FAT3: variants seen among roughly 807,000 people sequenced by gnomAD.
FAT3 encodes the protein FAT atypical cadherin 3, also known as protocadherin Fat 3.
A neutral mutation model predicts 310.2 loss-of-function variants in FAT3; 95 were observed. That is an observed-to-expected ratio of 0.31 (90% confidence interval 0.26 to 0.36). FAT3 has a LOEUF of 0.36. FAT3 is among the 10% of genes least tolerant of loss of function. The pLI, the probability that FAT3 is intolerant of heterozygous loss-of-function variation, is 1.00. For missense variants in FAT3, 5,408 were observed against 5,715.6 expected, an observed-to-expected ratio of 0.95 and a Z score of 1.74; for synonymous variants, 2,314 against 2,192.9, an observed-to-expected ratio of 1.06 and a Z score of -1.54.
intron 14 of FAT3, among the ~76,000 whole-genome samples, chr11:92,833,404 C>G (rs1378927422): frequency 6.6e-6 from 1 of 152,150 alleles, no homozygotes; most frequent in East Asian, 1.9e-4. Flanking sequence ...AACAAGAAAT[C>G]ATTATAATTA....
At chr11:92,391,051 G>A (rs750381500) in intron 2 of FAT3, among the ~76,000 whole-genome samples, 2 of 152,140 alleles carry the variant, frequency 1.3e-5, no homozygotes, top group Non-Finnish European at 2.9e-5. Flanking sequence ...ATTTCTCATA[G>A]TACCCACTTA....
intron 2 of FAT3, among the ~76,000 whole-genome samples, chr11:92,476,705 T>C (rs888442928): frequency 3.0e-4 from 46 of 152,120 alleles, no homozygotes; most frequent in African/African-American, 1.1e-3. Context: ...TCAGAGTGCT[T>C]GGGGAAAGAA....
chr11:92,667,021 C>A (rs141033519), intron 3 of FAT3, among the ~76,000 whole-genome samples: 1 of 151,622 alleles, frequency 6.6e-6, no homozygotes, highest in African/African-American at 2.4e-5. Flanking sequence ...CAGGAAGAAG[C>A]GGAAACCAGC....
intron 3 of FAT3, among the ~76,000 whole-genome samples, chr11:92,591,544 T>C (rs1315552300): frequency 6.6e-6 from 1 of 152,176 alleles, no homozygotes; most frequent in East Asian, 1.9e-4. Context: ...AGTGTGTTAA[T>C]TACTAAACTC....
chr11:92,605,669 T>C (rs1223889017), intron 3 of FAT3, among the ~76,000 whole-genome samples: 1 of 151,086 alleles, frequency 6.6e-6, no homozygotes, highest in Non-Finnish European at 1.5e-5. Flanking sequence ...TTGTGTACTC[T>C]TACAGATATC....
intron 3 of FAT3, among the ~76,000 whole-genome samples, chr11:92,685,988 T>A (rs1445878353): frequency 1.3e-5 from 2 of 152,184 alleles, no homozygotes; most frequent in African/African-American, 2.4e-5. Context: ...ATATCATATG[T>A]TACCCCTAGT....
chr11:92,679,422 C>G (rs1943398744), intron 3 of FAT3, among the ~76,000 whole-genome samples: 1 of 151,968 alleles, frequency 6.6e-6, no homozygotes, highest in African/African-American at 2.4e-5. Flanking sequence ...CCTCCAGTAG[C>G]ATTTATGAGT....
chr11:92,842,182 T>C lies in FAT3; in HGVS notation c.10566+1423T>C, dbSNP rs77232991. Among the ~76,000 whole-genome samples, 775 of 152,370 alleles carry C rather than the reference T, an allele frequency of 5.1e-3. 6 individuals are homozygous for C. The highest frequency in any genetic ancestry group is 0.018 in the African/African-American group (730 of 41,586). On this transcript the variant is annotated intron_variant, in intron 18 of 27. Transcript: ENST00000525166. ...CCAGTGCTTTACAGAAAATGATTGC[T>C]GATCACTGCCATAAAGTAAAACTAT...
intron 7 of FAT3, among the ~76,000 whole-genome samples, chr11:92,783,818 A>G (rs1456714102): frequency 2.6e-5 from 4 of 152,174 alleles, no homozygotes; most frequent in Non-Finnish European, 5.9e-5. Context: ...TACTGTATGT[A>G]TAGATCTGGG....
Position 92,800,159 on chromosome 11 carries a change from C to T in FAT3, c.7146C>T (p.Ile2382=), listed in dbSNP as rs746578220. Residue 2382 remains isoleucine (I), a synonymous_variant, in exon 10 of 28, where the codon ATC becomes ATT. Coordinates refer to ENST00000525166, the MANE Select transcript of FAT3 (RefSeq NM_001367949.2). ...TGAGCAGTGAGGTTCTCGTTCATATCTACATCTCTGATGTAAATGACAACC... is the reference window on the plus strand; with the variant it reads ...TGAGCAGTGAGGTTCTCGTTCATATTTACATCTCTGATGTAAATGACAACC... ...PSLSSEVLVH[I]YISDVNDNPP... 1.2e-6 allele frequency: 2 copies of T among 1,613,802 alleles called. No individual in the cohort carries two copies. The highest frequency in any genetic ancestry group is 1.7e-6 in the Non-Finnish European group (2 of 1,179,856).
chr11:92,353,056 C>T lies in FAT3; in HGVS notation c.944C>T (p.Ala315Val). The T allele has an allele frequency of 6.2e-7, 1 of 1,613,470 alleles. No homozygotes were observed. Among genetic ancestry groups the T allele is most frequent in the Non-Finnish European group, 8.5e-7 (1 of 1,179,818 alleles). Reference protein sequence around the residue: ...AGDPLDQFFLAKEGKWLNEYK... With the variant: ...AGDPLDQFFLVKEGKWLNEYK... ...GATCCTTTAGATCAGTTCTTCCTGG[C>T]TAAGGAAGGAAAGTGGTTGAATGAG... The change falls in exon 2 of 28, where the codon GCT becomes GTT. Residue 315 changes from alanine (A) to valine (V), a missense_variant. Ala to Val is a moderately conservative substitution (Grantham distance 64). Transcript: ENST00000525166.
intron 3 of FAT3, among the ~76,000 whole-genome samples, chr11:92,633,087 C>G (rs1941618109): frequency 6.6e-6 from 1 of 152,118 alleles, no homozygotes; most frequent in Admixed American, 6.5e-5. Context: ...CTTGATTTTT[C>G]TTTTATTCTC....
At chr11:92,513,396 T>C (rs1379119658) in intron 2 of FAT3, among the ~76,000 whole-genome samples, 1 of 152,052 alleles carries the variant, frequency 6.6e-6, no homozygotes, top group Non-Finnish European at 1.5e-5. Flanking sequence ...GAAAGAAAAA[T>C]AGTATCTGTA....
chr11:92,595,822 T>C (rs1939674355), intron 3 of FAT3, among the ~76,000 whole-genome samples: 2 of 152,220 alleles, frequency 1.3e-5, no homozygotes, highest in African/African-American at 4.8e-5. Flanking sequence ...GTGCCATTCA[T>C]GTTTTGCGGG....
At chr11:92,728,619 A>G (rs1369330026) in intron 4 of FAT3, among the ~76,000 whole-genome samples, 1 of 152,146 alleles carries the variant, frequency 6.6e-6, no homozygotes, top group Non-Finnish European at 1.5e-5. Flanking sequence ...TTATTCTCTC[A>G]GAGTTTTAGA....
chr11:92,443,054 A>G (rs573152528), intron 2 of FAT3, among the ~76,000 whole-genome samples: 18 of 152,260 alleles, frequency 1.2e-4, no homozygotes, highest in African/African-American at 4.3e-4. Flanking sequence ...GTCTGTTTTG[A>G]TTCTATTTTA....
intron 4 of FAT3, among the ~76,000 whole-genome samples, chr11:92,714,667 T>C (rs1312053771): frequency 6.6e-6 from 1 of 152,190 alleles, no homozygotes; most frequent in Non-Finnish European, 1.5e-5. Flanking sequence ...CAGCTATTAC[T>C]AGATTGTGGA....
chr11:92,249,072 A>G (rs572056653), intron 1 of FAT3, among the ~76,000 whole-genome samples: 1 of 152,100 alleles, frequency 6.6e-6, no homozygotes, highest in Non-Finnish European at 1.5e-5. Context: ...TTTAATATTT[A>G]TAACATTTAA....
At chr11:92,251,712 A>G (rs1438215548) in intron 1 of FAT3, among the ~76,000 whole-genome samples, 1 of 138,452 alleles carries the variant, frequency 7.2e-6, no homozygotes, top group Non-Finnish European at 1.5e-5. Flanking sequence ...AATAAATAAG[A>G]AATTTGAGTG....
Sources: allele counts gnomAD v4.1 joint callset (sites outside exome capture counted in the v4.1 genomes callset), GRCh38; gene constraint gnomAD v4.1.1; transcripts MANE v1.5; gene names NCBI Gene and HGNC (gene_info 2026-07-23, HGNC 2026-07-21).